KIF1A: variants seen among roughly 807,000 people sequenced by gnomAD.
KIF1A encodes kinesin-like protein KIF1A.
In KIF1A, 46 loss-of-function variants were observed where a neutral mutation model predicts 227.3. The observed-to-expected ratio is 0.20, with a 90% CI of 0.16 to 0.26. The LOEUF (loss-of-function observed/expected upper bound fraction) is 0.26, where lower values mean the gene tolerates loss of function less well. KIF1A is among the 10% of genes least tolerant of loss of function. KIF1A has a pLI of 1.00. For synonymous variants in KIF1A, 1,022 were observed against 1,012.8 expected (o/e 1.01, Z -0.17); for missense variants, 1,683 against 2,485.9 (o/e 0.68, Z 6.87).
chr2:240,729,679 G>A (rs1559482416), intron 38 of KIF1A, among the ~76,000 whole-genome samples: 1 of 152,268 alleles, frequency 6.6e-6, no homozygotes, highest in South Asian at 2.1e-4. Context: ...GGTCCTAGCA[G>A]AGAATTTCTC....
intron 1 of KIF1A, among the ~76,000 whole-genome samples, chr2:240,811,095 C>T (rs2057827537): frequency 6.6e-6 from 1 of 152,240 alleles, no homozygotes; most frequent in Non-Finnish European, 1.5e-5. Context: ...CGTGCAGTGG[C>T]TCGTGCCTGT....
chr2:240,812,893 AC>A (rs1156469646), intron 1 of KIF1A, among the ~76,000 whole-genome samples: 18 of 124,442 alleles, frequency 1.4e-4, no homozygotes, highest in African/African-American at 4.8e-4. Flanking sequence ...ATCCGCCTTC[AC>A]CTCGGGGATC....
chr2:240,782,634 T>C (rs1384377701), intron 9 of KIF1A, 27 bp from the exon 10 acceptor site: 1 of 1,550,812 alleles, frequency 6.4e-7, no homozygotes, highest in Non-Finnish European at 8.7e-7. Flanking sequence ...AGAGAGAGGC[T>C]GAGGCCCGGA....
intron 1 of KIF1A, among the ~76,000 whole-genome samples, chr2:240,812,905 C>A (rs62187841): frequency 8.3e-5 from 10 of 120,110 alleles, no homozygotes; most frequent in East Asian, 3.1e-4. Context: ...CTCGGGGATC[C>A]GCCTTCACCT....
At position 240,758,266 on chromosome 2, in the gene KIF1A, C is replaced by T. The variant is rs1485161661; in HGVS notation, c.2582+94G>A. 32 of 1,405,726 alleles carry T rather than the reference C, an allele frequency of 2.3e-5. No individual in the cohort carries two copies. The Middle Eastern group carries it at 5.5e-4, about 24-fold the overall frequency. The allele number at this position is 1,405,726 out of a possible 1,614,324, so 87.1% of individuals were successfully genotyped here. A position where few individuals can be genotyped will look rare whatever the true frequency, so the allele number is the denominator to read the frequency against. ...GGGCTGGAAAAGCACTTGTCAGGGC[C>T]GCTCCTTGTATCAGGCCAGGGCCCA... On this transcript the variant is annotated intron_variant, in intron 26 of 48. Transcript: ENST00000498729. The surrounding 1 kb of genome is among the most constrained non-coding windows in gnomAD (Gnocchi z 5.2).
intron 38 of KIF1A, among the ~76,000 whole-genome samples, chr2:240,734,968 C>CCTGA (rs1366031540): frequency 1.3e-5 from 2 of 152,140 alleles, no homozygotes; most frequent in Admixed American, 1.3e-4. Context: ...CCTGAGCCTC[C>CCTGA]GCACGTCAGG....
In KIF1A at chr2:240,737,159, C is replaced by T. The variant is rs762988579; in HGVS notation, c.3911G>A (p.Arg1304Gln). Residue 1304 changes from arginine (R) to glutamine (Q), a missense_variant, in exon 38 of 49, where the codon CGA (arginine) becomes CAA (glutamine). This residue lies in a region of KIF1A where 759 missense variants were observed against 1,020.2 expected (regional missense o/e 0.74). Transcript: ENST00000498729. ...GGACTCGTCGGTCTCTGGAGTGTTTCGGATGCGGCCTGCAGAAAAGGCAAC... is the reference window on the plus strand; with the variant it reads ...GGACTCGTCGGTCTCTGGAGTGTTTTGGATGCGGCCTGCAGAAAAGGCAAC... ...EVRELVVGRI[R>Q]NTPETDESLI... 17 of 1,613,340 alleles carry T rather than the reference C, an allele frequency of 1.1e-5. No individual in the cohort carries two copies. Among genetic ancestry groups the T allele is most frequent in the Non-Finnish European group, 1.4e-5 (16 of 1,179,438 alleles).
intron 1 of KIF1A, among the ~76,000 whole-genome samples, chr2:240,813,387 G>A (rs1318527434): frequency 6.6e-6 from 1 of 152,198 alleles, no homozygotes; most frequent in Non-Finnish European, 1.5e-5. Context: ...GGGCAGGGAA[G>A]GGGCAGGGGC....
intron 17 of KIF1A, among the ~76,000 whole-genome samples, chr2:240,767,648 C>T (rs575298249): frequency 6.6e-6 from 1 of 152,390 alleles, no homozygotes; most frequent in Admixed American, 6.5e-5. Flanking sequence ...GGCAGACAGC[C>T]CCAGCTCTCA....
At chr2:240,781,806 G>A (rs2054064988) in intron 10 of KIF1A, 3 of 984,972 alleles carry the variant, frequency 3.0e-6, no homozygotes, top group Non-Finnish European at 3.6e-6. Flanking sequence ...ACTCGGGTTC[G>A]CCACACCGTT....
At chr2:240,753,543 G>A (rs1575575900) in intron 27 of KIF1A, among the ~76,000 whole-genome samples, 1 of 152,158 alleles carries the variant, frequency 6.6e-6, no homozygotes, top group African/African-American at 2.4e-5. Context: ...CCCAGGCTCA[G>A]ATCATCCCAT....
rs140071026 is a variant in KIF1A at position 240,747,958 on chromosome 2, G to A, written c.2978-637C>T. On this transcript the variant is annotated intron_variant, in intron 28 of 48. Transcript: ENST00000498729. ...CAAACTGACCTCGCCCGGGTCACGG[G>A]CAGGGCTGATGAGACTTCTGACACC... 6.2e-3 allele frequency among the ~76,000 whole-genome samples: 949 copies of A among 152,352 alleles called. 7 individuals carry two copies. The highest frequency in any genetic ancestry group is 0.01 in the Middle Eastern group (3 of 294).
chr2:240,784,372 C>A (rs2054443169), intron 7 of KIF1A, among the ~76,000 whole-genome samples: 1 of 152,166 alleles, frequency 6.6e-6, no homozygotes, highest in Non-Finnish European at 1.5e-5. Flanking sequence ...CACCACAGGA[C>A]CCTCTCGGTG....
At chr2:240,811,172 G>C in intron 1 of KIF1A, among the ~76,000 whole-genome samples, 1 of 152,064 alleles carries the variant, frequency 6.6e-6, no homozygotes, top group East Asian at 1.9e-4. Context: ...GGCCACCCTG[G>C]CTTGTAACAT....
rs924493414 is a variant in KIF1A at position 240,795,069 on chromosome 2, G to A, written c.106+2578C>T. ...CATTTAATTTAGTTTGGTGATCCCC[G>A]GAAGATCGGCATCTCAGAAGAGGTT... On this transcript the variant is annotated intron_variant, in intron 2 of 48. Transcript: ENST00000498729. 2.6e-5 allele frequency among the ~76,000 whole-genome samples: 4 copies of A among 152,132 alleles called. 1 individual carries two copies. The highest frequency in any genetic ancestry group is 4.2e-4 in the South Asian group (2 of 4,812).
rs567238602 is a variant in KIF1A at position 240,766,025 on chromosome 2, C to T, written c.1685-232G>A. Among the ~76,000 whole-genome samples the T allele has an allele frequency of 2.6e-5, 4 of 152,254 alleles. No individual in the cohort carries two copies. Among genetic ancestry groups the T allele is most frequent in the African/African-American group, 7.2e-5 (3 of 41,470 alleles). On this transcript the variant is annotated intron_variant, in intron 19 of 48. Transcript: ENST00000498729. The surrounding 1 kb of genome is among the most constrained non-coding windows in gnomAD (Gnocchi z 5.0). ...CCCCCAGAAGGAGGATGCATGTGCCCACGTTGAAGCCAAGAGGCTGTGCTG... is the reference window on the plus strand; with the variant it reads ...CCCCCAGAAGGAGGATGCATGTGCCTACGTTGAAGCCAAGAGGCTGTGCTG...
At chr2:240,768,386 CCGGACCTCAG>C (rs1453817346) in intron 17 of KIF1A, among the ~76,000 whole-genome samples, 2 of 152,260 alleles carry the variant, frequency 1.3e-5, no homozygotes, top group Non-Finnish European at 2.9e-5. Context: ...CTTCCTGTCT[CCGGACCTCAG>C]CGCGTGCTGG....
chr2:240,744,788 T>C (rs1338495095), intron 32 of KIF1A, among the ~76,000 whole-genome samples: 1 of 152,158 alleles, frequency 6.6e-6, no homozygotes, highest in African/African-American at 2.4e-5. Flanking sequence ...GTGACAGAAG[T>C]CCCAGCCAAC....
Position 240,718,402 on chromosome 2 carries a change from G to A in KIF1A, c.5215-234C>T, listed in dbSNP as rs114108873. ...CCTCACCACTGCTATGCCTCCCCACGGGACGTGACTGCCCCTCATGGCCCC... is the reference window on the plus strand; with the variant it reads ...CCTCACCACTGCTATGCCTCCCCACAGGACGTGACTGCCCCTCATGGCCCC... On this transcript the variant is annotated intron_variant, in intron 47 of 48. Transcript: ENST00000498729. Among the ~76,000 whole-genome samples, 4,263 of 152,330 alleles carry A rather than the reference G, an allele frequency of 0.028. 86 individuals carry two copies. The highest frequency in any genetic ancestry group is 0.051 in the Middle Eastern group (15 of 294).
Sources: allele counts gnomAD v4.1 joint callset (sites outside exome capture counted in the v4.1 genomes callset), GRCh38; gene constraint gnomAD v4.1.1; regional missense constraint gnomAD v4.1.1; non-coding constraint Gnocchi (gnomAD v3.1); transcripts MANE v1.5; gene names NCBI Gene and HGNC (gene_info 2026-07-23, HGNC 2026-07-21).